CLYBL: variants seen among roughly 807,000 people sequenced by gnomAD.
CLYBL encodes the protein citramalyl-CoA lyase, mitochondrial.
CLYBL carries 31 observed loss-of-function variants against 38.9 expected under a neutral mutation model. The ratio of observed to expected loss-of-function variants is 0.80; its 90% CI spans 0.60 to 1.08. The LOEUF is 1.08. Ranked by LOEUF, CLYBL falls within the 50% of genes least tolerant of loss-of-function variation. The pLI, the probability that CLYBL is intolerant of heterozygous loss-of-function variation, is 0.00. For missense variants in CLYBL, 434 were observed against 411.6 expected, an observed-to-expected ratio of 1.05 and a Z score of -0.47; for synonymous variants, 171 against 158.6, an observed-to-expected ratio of 1.08 and a Z score of -0.59.
At chr13:99,705,986 C>T (rs1206210314) in intron 1 of CLYBL, among the ~76,000 whole-genome samples, 4 of 151,552 alleles carry the variant, frequency 2.6e-5, no homozygotes, top group African/African-American at 9.7e-5. Context: ...GGCTGGAGTG[C>T]AATGGCATGA....
chr13:99,741,198 A>G (rs1254038515), intron 1 of CLYBL, among the ~76,000 whole-genome samples: 1 of 152,194 alleles, frequency 6.6e-6, no homozygotes, highest in Non-Finnish European at 1.5e-5. Flanking sequence ...GTAGGACACA[A>G]AACAGATACT....
rs1566340187 is a variant in CLYBL at position 99,819,446 on chromosome 13, ATATATATATATATATATATAT to A, written c.250-39414_250-39394del. Among the ~76,000 whole-genome samples, 35 of 85,326 alleles carry A rather than the reference ATATATATATATATATATATAT, an allele frequency of 4.1e-4. 1 individual carries two copies. The highest frequency in any genetic ancestry group is 1.8e-3 in the Admixed American group (14 of 7,780). 56.0% of individuals were successfully genotyped at this position (85,326 alleles called of 152,430 possible). ...TATATATATATATATATATATATAT[ATATATATATATATATATATAT>A]AATATTTGTCAGGGTTGTCTGGGGG... On this transcript the variant is annotated intron_variant, in intron 2 of 8. Coordinates refer to ENST00000339105, the MANE Select transcript of CLYBL (RefSeq NM_206808.5).
intron 1 of CLYBL, among the ~76,000 whole-genome samples, chr13:99,608,092 A>G (rs1300768236): frequency 2.2e-5 from 2 of 90,480 alleles, no homozygotes; most frequent in Non-Finnish European, 3.9e-5. Context: ...TTTTTCCGAG[A>G]TGGAGTTTCG....
intron 1 of CLYBL, among the ~76,000 whole-genome samples, chr13:99,717,647 A>C (rs953242933): frequency 1.3e-5 from 2 of 151,634 alleles, no homozygotes; most frequent in Non-Finnish European, 2.9e-5. Context: ...TTTTGTAGTG[A>C]TGGGGTTTTG....
intron 1 of CLYBL, among the ~76,000 whole-genome samples, chr13:99,742,214 C>T (rs1369667607): frequency 6.6e-6 from 1 of 152,230 alleles, no homozygotes; most frequent in Non-Finnish European, 1.5e-5. Context: ...TTCTAGGTCG[C>T]ACCTTGCACT....
chr13:99,655,318 T>C (rs2047314481), intron 1 of CLYBL, among the ~76,000 whole-genome samples: 1 of 152,140 alleles, frequency 6.6e-6, no homozygotes, highest in Non-Finnish European at 1.5e-5. Flanking sequence ...TCAGATGATC[T>C]GTCTGCCTCG....
intron 7 of CLYBL, among the ~76,000 whole-genome samples, chr13:99,886,530 T>G (rs1219751294): frequency 6.6e-6 from 1 of 152,262 alleles, no homozygotes; most frequent in Non-Finnish European, 1.5e-5. Context: ...TCCAGGAGTC[T>G]GAAATCATAG....
intron 1 of CLYBL, among the ~76,000 whole-genome samples, chr13:99,678,376 C>G (rs919352807): frequency 2.0e-5 from 3 of 152,182 alleles, no homozygotes; most frequent in Non-Finnish European, 4.4e-5. Context: ...TAGTTATCTC[C>G]TAAGTGTCAC....
At chr13:99,611,655 A>G (rs2046628728) in intron 1 of CLYBL, among the ~76,000 whole-genome samples, 1 of 152,202 alleles carries the variant, frequency 6.6e-6, no homozygotes, top group Non-Finnish European at 1.5e-5. Flanking sequence ...GATGTGTTGG[A>G]GAGTTCCCGC....
intron 7 of CLYBL, among the ~76,000 whole-genome samples, chr13:99,876,924 A>G (rs997976286): frequency 2.0e-5 from 3 of 152,152 alleles, no homozygotes; most frequent in East Asian, 1.9e-4. Flanking sequence ...GCAGAAACCA[A>G]TGAGGAAAGA....
chr13:99,646,915 C>T (rs1299356587), intron 1 of CLYBL, among the ~76,000 whole-genome samples: 1 of 152,148 alleles, frequency 6.6e-6, no homozygotes, highest in Non-Finnish European at 1.5e-5. Context: ...TTCTCAGTAC[C>T]TTCTGTGCCA....
At chr13:99,681,558 T>C (rs962296342) in intron 1 of CLYBL, among the ~76,000 whole-genome samples, 1 of 152,082 alleles carries the variant, frequency 6.6e-6, no homozygotes, top group African/African-American at 2.4e-5. Context: ...GTAAGGAGAA[T>C]TCAGGAATTA....
At chr13:99,897,607 CG>C (rs1284433161), downstream of CLYBL, among the ~76,000 whole-genome samples, 2 of 152,128 alleles carry the variant, frequency 1.3e-5, no homozygotes, top group Non-Finnish European at 2.9e-5. Context: ...ACTCCTCTGT[CG>C]GTGAAACTTT....
intron 1 of CLYBL, among the ~76,000 whole-genome samples, chr13:99,631,434 G>A (rs2046943884): frequency 6.6e-6 from 1 of 151,666 alleles, no homozygotes; most frequent in Admixed American, 6.6e-5. Context: ...ATATGTGTGT[G>A]TATATATAAT....
chr13:99,803,660 A>C (rs549071232), intron 2 of CLYBL, among the ~76,000 whole-genome samples: 3 of 152,340 alleles, frequency 2.0e-5, no homozygotes, highest in African/African-American at 7.2e-5. Context: ...TAAAACACTT[A>C]CCAGAGTGCC....
At chr13:99,702,863 G>A (rs779305290) in intron 1 of CLYBL, among the ~76,000 whole-genome samples, 1 of 152,168 alleles carries the variant, frequency 6.6e-6, no homozygotes. Flanking sequence ...ACGTTGCTCT[G>A]CTACATAAGA....
At chr13:99,890,268 TC>T (rs1463167587) in intron 7 of CLYBL, among the ~76,000 whole-genome samples, 3 of 152,176 alleles carry the variant, frequency 2.0e-5, no homozygotes, top group African/African-American at 2.4e-5. Context: ...TCTTTTTTTT[TC>T]CTTCTTTTAC....
At chr13:99,653,831 G>A (rs76491530) in intron 1 of CLYBL, among the ~76,000 whole-genome samples, 260 of 152,256 alleles carry the variant, frequency 1.7e-3, no homozygotes, top group Middle Eastern at 3.4e-3. Flanking sequence ...GGTATGATGG[G>A]CTGGACATGC....
intron 7 of CLYBL, among the ~76,000 whole-genome samples, chr13:99,882,658 C>T (rs2052240983): frequency 1.3e-5 from 2 of 151,018 alleles, no homozygotes; most frequent in African/African-American, 4.9e-5. Context: ...GAGTGAGACC[C>T]TGTCTCAAAA....
Sources: gnomAD v4.1 joint callset for allele counts (sites outside exome capture counted in the v4.1 genomes callset) on GRCh38, gnomAD v4.1.1 for gene constraint, MANE v1.5 for transcripts, NCBI Gene and HGNC (gene_info 2026-07-23, HGNC 2026-07-21) for gene names.